Variants in PTPRG observed in about 807,000 individuals in gnomAD.
PTPRG encodes protein tyrosine phosphatase receptor type G.
A neutral mutation model predicts 165.3 loss-of-function variants in PTPRG; 102 were observed. The ratio of observed to expected loss-of-function variants is 0.62; its 90% CI spans 0.53 to 0.73. The LOEUF is 0.73. Ranked by LOEUF, PTPRG falls within the 30% of genes least tolerant of loss-of-function variation. PTPRG has a pLI of 0.00. For synonymous variants in PTPRG, 675 were observed against 669.5 expected, an observed-to-expected ratio of 1.01 and a Z score of -0.13; for missense variants, 1,866 against 1,861.4, an observed-to-expected ratio of 1.00 and a Z score of -0.05.
intron 1 of PTPRG, among the ~76,000 whole-genome samples, chr3:61,633,715 G>T (rs1172759298): frequency 6.6e-6 from 1 of 152,124 alleles, no homozygotes. Context: ...TAGAACCTCA[G>T]TGTAGAAGTG....
At chr3:62,045,591 C>T (rs1229052595) in intron 4 of PTPRG, among the ~76,000 whole-genome samples, 1 of 152,182 alleles carries the variant, frequency 6.6e-6, no homozygotes, top group Non-Finnish European at 1.5e-5. Context: ...TTATTGCCCT[C>T]AATGCTGCTG....
At position 61,755,696 on chromosome 3, in the gene PTPRG, T is replaced by C. The variant is rs2033612491; in HGVS notation, c.190+6714T>C. On this transcript the variant is annotated intron_variant, in intron 2 of 29. Coordinates refer to ENST00000474889, the MANE Select transcript of PTPRG (RefSeq NM_002841.4). ...CATAGGCCTTGAGCCTGGAGGGCTC[T>C]GGCAGTGATTAGAGAACCAGAAGCA... is the stretch of plus-strand genomic sequence containing the variant. Among the ~76,000 whole-genome samples, 3 of 152,302 alleles carry C rather than the reference T, an allele frequency of 2.0e-5. No homozygotes were observed. In the South Asian group the frequency reaches 6.2e-4, roughly 32 times the overall value.
chr3:62,248,579 C>T (rs1409571976), intron 15 of PTPRG, among the ~76,000 whole-genome samples: 1 of 152,070 alleles, frequency 6.6e-6, no homozygotes, highest in Admixed American at 6.6e-5. Flanking sequence ...AAAAAACAAA[C>T]TTGAATATTA....
intron 21 of PTPRG, 127 bp from the exon 22 acceptor site, chr3:62,272,819 A>G: frequency 9.1e-7 from 1 of 1,095,172 alleles, no homozygotes; most frequent in South Asian, 2.0e-5. Context: ...CCTGGGCAAC[A>G]GAGTGAAACT....
chr3:61,877,569 A>G (rs1213756607), intron 2 of PTPRG, among the ~76,000 whole-genome samples: 1 of 152,240 alleles, frequency 6.6e-6, no homozygotes, highest in Non-Finnish European at 1.5e-5. Flanking sequence ...CATACTAAAC[A>G]GATTAAATCT....
At chr3:61,815,941 A>G (rs185033459) in intron 2 of PTPRG, among the ~76,000 whole-genome samples, 444 of 152,348 alleles carry the variant, frequency 2.9e-3, no homozygotes, top group Middle Eastern at 6.8e-3. Context: ...TTTATTTCCT[A>G]AAGTCACTGG....
intron 2 of PTPRG, among the ~76,000 whole-genome samples, chr3:61,971,302 T>G (rs2040377161): frequency 6.6e-6 from 1 of 152,006 alleles, no homozygotes; most frequent in Non-Finnish European, 1.5e-5. Flanking sequence ...GAAGTAGGCT[T>G]ATCATCATGG....
chr3:62,270,286 T>C (rs1022065409), intron 20 of PTPRG, among the ~76,000 whole-genome samples: 1 of 152,164 alleles, frequency 6.6e-6, no homozygotes, highest in Non-Finnish European at 1.5e-5. Context: ...CATTTTTATG[T>C]AAAATTTCAG....
chr3:62,276,854 AG>A (rs938671114), intron 24 of PTPRG, 117 bp from the exon 25 acceptor site: 1 of 719,784 alleles, frequency 1.4e-6, no homozygotes, highest in African/African-American at 1.8e-5. Flanking sequence ...AATATAGATA[AG>A]TCTTAGAAAG....
chr3:61,922,481 AGTGT>A (rs143673622), intron 2 of PTPRG, among the ~76,000 whole-genome samples: 1 of 151,658 alleles, frequency 6.6e-6, no homozygotes, highest in Non-Finnish European at 1.5e-5. Context: ...TGTCTGTGTG[AGTGT>A]GTGTGTGTGT....
At position 62,276,716 on chromosome 3, in the gene PTPRG, T is replaced by C. The variant is rs571929250; in HGVS notation, c.3560-256T>C. On this transcript the variant is annotated intron_variant, in intron 24 of 29. Coordinates refer to ENST00000474889, the MANE Select transcript of PTPRG (RefSeq NM_002841.4). ...TGTGTCCATATAAAGTATTCTGTTA[T>C]TGATCTGCTGTAAAAATCTCTCCCA... 2.0e-4 allele frequency: 97 copies of C among 477,440 alleles called. 3 individuals are homozygous for C. The highest frequency in any genetic ancestry group is 1.4e-3 in the East Asian group (42 of 29,144). The allele number at this position is 477,440 out of a possible 1,614,324, so 29.6% of individuals were successfully genotyped here.
At chr3:61,678,025 T>G (rs1703295807) in intron 1 of PTPRG, among the ~76,000 whole-genome samples, 1 of 152,184 alleles carries the variant, frequency 6.6e-6, no homozygotes, top group Non-Finnish European at 1.5e-5. Context: ...TGTGCAGAAC[T>G]GGGGCAGAGT....
At chr3:61,839,991 C>T (rs115346823) in intron 2 of PTPRG, among the ~76,000 whole-genome samples, 393 of 152,192 alleles carry the variant, frequency 2.6e-3, no homozygotes, top group African/African-American at 9.0e-3. Context: ...AAAATGACTG[C>T]GTATTTCAGA....
intron 4 of PTPRG, among the ~76,000 whole-genome samples, chr3:62,075,246 A>G (rs1404364535): frequency 2.6e-5 from 4 of 152,216 alleles, no homozygotes; most frequent in Admixed American, 6.5e-5. Flanking sequence ...GCTCCTGCAC[A>G]TGGGCTGAAG....
intron 4 of PTPRG, among the ~76,000 whole-genome samples, chr3:62,077,137 G>A (rs1226076351): frequency 6.6e-6 from 1 of 152,010 alleles, no homozygotes; most frequent in Non-Finnish European, 1.5e-5. Context: ...ATTGTGGCAT[G>A]CACCTGTAGT....
chr3:61,949,809 G>A lies in PTPRG; in HGVS notation c.191-39816G>A, dbSNP rs556299658. Among the ~76,000 whole-genome samples the A allele has an allele frequency of 1.6e-4, 24 of 151,780 alleles. 3 individuals are homozygous for A. The South Asian group carries it at 4.2e-3, about 26-fold the overall frequency. On this transcript the variant is annotated intron_variant, in intron 2 of 29. Transcript: ENST00000474889. ...GTCACCCAGGCTGGAGTGCAGTGGC[G>A]TGATCTCGGCTCACTGCAACCTCCA...
intron 10 of PTPRG, among the ~76,000 whole-genome samples, chr3:62,200,805 A>G (rs1388128437): frequency 6.6e-6 from 1 of 152,204 alleles, no homozygotes; most frequent in Non-Finnish European, 1.5e-5. Context: ...ACAGTACACA[A>G]AAGGTAAGGT....
At chr3:61,935,264 T>C (rs145144158) in intron 2 of PTPRG, among the ~76,000 whole-genome samples, 240 of 152,338 alleles carry the variant, frequency 1.6e-3, no homozygotes, top group Non-Finnish European at 2.7e-3. Context: ...AAGTGTGATC[T>C]ACATAATGGA....
At position 62,228,308 on chromosome 3, in the gene PTPRG, G is replaced by A. The variant is rs1261507597; in HGVS notation, c.2289-2917G>A. On this transcript the variant is annotated intron_variant, in intron 13 of 29. Transcript: ENST00000474889. The surrounding 1 kb of genome is among the most constrained non-coding windows in gnomAD (Gnocchi z 4.1). Reference sequence around the variant, plus strand: ...GAGGTCAAGGTAGGTGGATCACGAGGTCAGGAGTTCAAGAACAGCCTGGCC... The same window carrying A: ...GAGGTCAAGGTAGGTGGATCACGAGATCAGGAGTTCAAGAACAGCCTGGCC... Among the ~76,000 whole-genome samples, 1 of 152,108 alleles carries A rather than the reference G, an allele frequency of 6.6e-6. No homozygotes were observed. The highest frequency in any genetic ancestry group is 1.5e-5 in the Non-Finnish European group (1 of 68,040).
Sources: gnomAD v4.1 joint callset for allele counts (sites outside exome capture counted in the v4.1 genomes callset) on GRCh38, gnomAD v4.1.1 for gene constraint, Gnocchi (gnomAD v3.1) non-coding constraint, MANE v1.5 for transcripts, NCBI Gene and HGNC (gene_info 2026-07-23, HGNC 2026-07-21) for gene names.